The following RUNX1T1 variants were observed in gnomAD, a reference collection of about 807,000 sequenced individuals.
The protein encoded by RUNX1T1 is RUNX1 partner transcriptional co-repressor 1.
RUNX1T1 carries 4 observed loss-of-function variants against 62.8 expected under a neutral mutation model. That is an observed-to-expected ratio of 0.06 (90% CI 0.03 to 0.15). The LOEUF (loss-of-function observed/expected upper bound fraction) is 0.15, where lower values mean the gene tolerates loss of function less well. RUNX1T1 is among the 10% of genes least tolerant of loss of function. RUNX1T1 has a pLI of 1.00. For missense variants in RUNX1T1, 508 were observed against 754.3 expected (o/e 0.67, Z 3.82); for synonymous variants, 291 against 286.0 (o/e 1.02, Z -0.18).
intron 2 of RUNX1T1, among the ~76,000 whole-genome samples, chr8:92,069,313 A>G (rs1244428016): frequency 6.6e-6 from 1 of 152,284 alleles, no homozygotes; most frequent in East Asian, 1.9e-4. Context: ...AGATTTCCCT[A>G]TAGTTCAGAG....
At chr8:92,016,633 C>A (rs955678663) in intron 2 of RUNX1T1, among the ~76,000 whole-genome samples, 1 of 152,114 alleles carries the variant, frequency 6.6e-6, no homozygotes, top group Non-Finnish European at 1.5e-5. Flanking sequence ...TGAGATCGTG[C>A]CACTGCACTC....
intron 1 of RUNX1T1, among the ~76,000 whole-genome samples, chr8:92,042,370 A>G (rs189339903): frequency 6.6e-6 from 1 of 152,304 alleles, no homozygotes; most frequent in African/African-American, 2.4e-5. Flanking sequence ...CTGGATTGCA[A>G]TGGTGTCATC....
intron 1 of RUNX1T1, chr8:92,095,315 G>T (rs1418588216): frequency 6.6e-7 from 1 of 1,526,520 alleles, no homozygotes; most frequent in South Asian, 1.2e-5. Flanking sequence ...CTTCCTCCCT[G>T]CTCGCCTCCC....
At chr8:91,987,027 AAC>A in intron 6 of RUNX1T1, 55 bp from the exon 8 acceptor site, 2 of 1,143,498 alleles carry the variant, frequency 1.7e-6, no homozygotes, top group Middle Eastern at 3.9e-4. Context: ...ACAACCCATA[AAC>A]ACACAGACTC....
intron 1 of RUNX1T1, among the ~76,000 whole-genome samples, chr8:92,039,945 A>G (rs1587235851): frequency 6.6e-6 from 1 of 152,086 alleles, no homozygotes; most frequent in Non-Finnish European, 1.5e-5. Context: ...ATCTTCTTCA[A>G]TCTACCCTTC....
At chr8:92,012,934 T>C (rs900087801) in intron 3 of RUNX1T1, among the ~76,000 whole-genome samples, 1 of 152,188 alleles carries the variant, frequency 6.6e-6, no homozygotes, top group Non-Finnish European at 1.5e-5. Flanking sequence ...TTAAAAAATA[T>C]ATTTTTTAAA....
At chr8:92,072,798 C>G (rs536428520) in intron 2 of RUNX1T1, among the ~76,000 whole-genome samples, 30 of 152,346 alleles carry the variant, frequency 2.0e-4, no homozygotes, top group African/African-American at 7.0e-4. Context: ...AGCAGATACT[C>G]TCTAAAAGCA....
intron 2 of RUNX1T1, among the ~76,000 whole-genome samples, chr8:92,072,519 T>C (rs1325514385): frequency 2.0e-5 from 3 of 152,130 alleles, no homozygotes; most frequent in Non-Finnish European, 4.4e-5. Flanking sequence ...TACAGTAAAA[T>C]ATTGGCTGAA....
At chr8:92,095,683 G>GAGACACAGGCA in intron 1 of RUNX1T1, 3 of 915,502 alleles carry the variant, frequency 3.3e-6, no homozygotes, top group Non-Finnish European at 3.0e-6. Context: ...GAGGGAAGGA[G>GAGACACAGGCA]GGATGGAGGA....
At chr8:92,035,441 C>T (rs1040481043) in intron 1 of RUNX1T1, among the ~76,000 whole-genome samples, 2 of 151,974 alleles carry the variant, frequency 1.3e-5, no homozygotes, top group Admixed American at 6.6e-5. Flanking sequence ...GGCTTTACCA[C>T]CACACAATAT....
intron 8 of RUNX1T1, among the ~76,000 whole-genome samples, chr8:91,982,494 T>C (rs192039551): frequency 2.0e-5 from 3 of 152,310 alleles, no homozygotes; most frequent in Non-Finnish European, 4.4e-5. Context: ...TCGGAAAACA[T>C]ACAAAGTGCT....
At chr8:92,008,687 G>C (rs760131839) in intron 4 of RUNX1T1, among the ~76,000 whole-genome samples, 5 of 152,070 alleles carry the variant, frequency 3.3e-5, no homozygotes, top group Non-Finnish European at 5.9e-5. Context: ...CTCCCATCCA[G>C]AAACAGCCTT....
intron 1 of RUNX1T1, chr8:92,094,993 AC>A: frequency 6.7e-7 from 1 of 1,490,848 alleles, no homozygotes; most frequent in Non-Finnish European, 9.0e-7. Context: ...GCAAAACTAA[AC>A]CCAATTAAAG....
intron 9 of RUNX1T1, among the ~76,000 whole-genome samples, chr8:91,974,357 CAA>C (rs1018092717): frequency 6.6e-6 from 1 of 152,072 alleles, no homozygotes; most frequent in Admixed American, 6.5e-5. Flanking sequence ...AGCAGTCAAA[CAA>C]AGACTTGAGC....
intron 1 of RUNX1T1, among the ~76,000 whole-genome samples, chr8:92,049,478 T>C (rs1393584103): frequency 6.6e-6 from 1 of 152,172 alleles, no homozygotes; most frequent in Non-Finnish European, 1.5e-5. Context: ...ATGCAGATGT[T>C]AACAGCTCTC....
rs1396723997 is a variant in RUNX1T1, at chr8:91,962,633, C to T, written c.1459-2116G>A. On this transcript the variant is annotated intron_variant, in intron 10 of 10. Coordinates refer to ENST00000396218, the Ensembl canonical transcript of RUNX1T1. ...CGTGGGCCTGGCCCACCCTTCAAAG[C>T]TGTGAGGTATAATACTCAGTGCTCA... Among the ~76,000 whole-genome samples the T allele has an allele frequency of 2.9e-4, 44 of 152,206 alleles. 1 individual carries two copies. The highest frequency in any genetic ancestry group is 2.9e-3 in the Admixed American group (44 of 15,280).
At chr8:91,994,592 C>A (rs964920329) in intron 5 of RUNX1T1, 1 of 497,268 alleles carries the variant, frequency 2.0e-6, no homozygotes, top group Admixed American at 2.3e-5. Context: ...TTGGTCAAGT[C>A]ACTTAACCTC....
intron 1 of RUNX1T1, among the ~76,000 whole-genome samples, chr8:92,081,634 TC>T (rs1835289507): frequency 1.3e-5 from 2 of 150,346 alleles, no homozygotes; most frequent in Non-Finnish European, 3.0e-5. Context: ...GACTGTTTTC[TC>T]CAAATAAAGG....
intron 10 of RUNX1T1, among the ~76,000 whole-genome samples, chr8:91,960,749 A>G (rs1369259423): frequency 1.3e-5 from 2 of 152,212 alleles, no homozygotes; most frequent in Non-Finnish European, 2.9e-5. Flanking sequence ...CTGACAAAGC[A>G]GTTGAAGACT....
Sources: allele counts gnomAD v4.1 joint callset (sites outside exome capture counted in the v4.1 genomes callset), GRCh38; gene constraint gnomAD v4.1.1; transcripts MANE v1.5; gene names NCBI Gene and HGNC (gene_info 2026-07-23, HGNC 2026-07-21).